Variants in UBE2D3 observed in about 807,000 individuals in gnomAD.
UBE2D3 encodes the protein ubiquitin conjugating enzyme E2 D3.
In UBE2D3, 2 loss-of-function variants were observed where a neutral mutation model predicts 22.8. The ratio of observed to expected loss-of-function variants is 0.09; its 90% CI spans 0.04 to 0.28. The LOEUF is 0.28. Among genes scored for constraint, UBE2D3 ranks in the 10% least tolerant of loss-of-function variants. UBE2D3 has a pLI of 1.00. For missense variants in UBE2D3, 27 were observed against 182.5 expected (o/e 0.15, Z 4.91); for synonymous variants, 56 against 60.4 (o/e 0.93, Z 0.34).
At chr4:102,816,576 T>C (rs1051947688) in intron 2 of UBE2D3, among the ~76,000 whole-genome samples, 2 of 152,182 alleles carry the variant, frequency 1.3e-5, no homozygotes, top group Non-Finnish European at 2.9e-5. Context: ...AGTTAAAAAA[T>C]ATATACAGCA....
chr4:102,838,706 A>AG (rs1349511549), intron 1 of UBE2D3, among the ~76,000 whole-genome samples: 1 of 149,294 alleles, frequency 6.7e-6, no homozygotes, highest in Non-Finnish European at 1.5e-5. Flanking sequence ...CTACTGGATA[A>AG]GGGGGGATAC....
At chr4:102,808,464 G>A (rs1340875159) in intron 4 of UBE2D3, among the ~76,000 whole-genome samples, 4 of 152,134 alleles carry the variant, frequency 2.6e-5, no homozygotes, top group Non-Finnish European at 5.9e-5. Flanking sequence ...GTTTTAAAAT[G>A]ATCCAGGACG....
intron 6 of UBE2D3, among the ~76,000 whole-genome samples, chr4:102,800,213 T>C (rs552211994): frequency 6.6e-5 from 10 of 152,140 alleles, no homozygotes; most frequent in African/African-American, 2.2e-4. Flanking sequence ...ATGCTTGAAA[T>C]GGTTCTGACC....
chr4:102,826,454 A>T (rs1422014048), intron 2 of UBE2D3, 31 bp downstream of exon 2: 1 of 1,610,710 alleles, frequency 6.2e-7, no homozygotes, highest in African/African-American at 1.3e-5. Context: ...CTTTTCTCCT[A>T]CCACCCCATG....
exon 1 of UBE2D3, chr4:102,868,819 G>T: frequency 6.2e-7 from 1 of 1,602,872 alleles, no homozygotes; most frequent in South Asian, 1.1e-5. Context: ...AAAGGCCCAA[G>T]AGGAGGGCCA....
upstream of UBE2D3, chr4:102,828,054 C>T (rs1730863911): frequency 4.1e-6 from 4 of 985,456 alleles, no homozygotes; most frequent in Non-Finnish European, 3.6e-6. Flanking sequence ...GGGGTTCCGC[C>T]TCCAAAATGC....
intron 7 of UBE2D3, among the ~76,000 whole-genome samples, chr4:102,798,462 G>C (rs1725589851): frequency 6.6e-6 from 1 of 151,276 alleles, no homozygotes; most frequent in Non-Finnish European, 1.5e-5. Flanking sequence ...TTAAAACAAA[G>C]GCTTTATTTA....
At chr4:102,798,909 A>G in intron 7 of UBE2D3, 1 of 1,610,918 alleles carries the variant, frequency 6.2e-7, no homozygotes, top group Non-Finnish European at 8.5e-7. Context: ...AGCGCACCAT[A>G]GAGTGCAGAT....
chr4:102,838,343 C>T (rs751415075), intron 1 of UBE2D3, among the ~76,000 whole-genome samples: 10 of 152,160 alleles, frequency 6.6e-5, no homozygotes, highest in Non-Finnish European at 1.2e-4. Context: ...CTCTTCCCAG[C>T]TCTGTGTTCA....
In UBE2D3 at chr4:102,797,320, G is replaced by C; in HGVS notation, c.*95C>G. 9.1e-7 allele frequency: 1 copy of C among 1,099,672 alleles called. No homozygotes were observed. Among genetic ancestry groups the C allele is most frequent in the South Asian group, 1.4e-5 (1 of 69,528 alleles). The allele number at this position is 1,099,672 out of a possible 1,614,324, so 68.1% of individuals were successfully genotyped here. A position where few individuals can be genotyped will look rare whatever the true frequency, so the allele number is the denominator to read the frequency against. ...AATAAAATTAAAAAAGATGAGGTCT[G>C]ATAGGGGAGCAGCCGGATAAGAAAA... On this transcript the variant is annotated 3_prime_UTR_variant, in exon 8 of 8. Transcript: ENST00000453744.
At chr4:102,829,356 TTCTC>T (rs1730981722), upstream of UBE2D3, among the ~76,000 whole-genome samples, 1 of 152,204 alleles carries the variant, frequency 6.6e-6, no homozygotes, top group Admixed American at 6.5e-5. Flanking sequence ...ATAATCTGTG[TTCTC>T]TCTCATAGCT....
intron 2 of UBE2D3, chr4:102,825,351 A>C (rs1428236816): frequency 9.9e-7 from 1 of 1,009,642 alleles, no homozygotes; most frequent in African/African-American, 1.7e-5. Context: ...ACATCACACA[A>C]ATACAAGTCA....
In UBE2D3 at chr4:102,801,615, C is replaced by A. The variant is rs1726163536; in HGVS notation, c.199-56G>T. 1.0e-4 allele frequency: 137 copies of A among 1,356,346 alleles called. No homozygotes were observed. In the Admixed American group the frequency reaches 1.3e-3, roughly 13 times the overall value. The allele number at this position is 1,356,346 out of a possible 1,614,324, so 84.0% of individuals were successfully genotyped here. On this transcript the variant is annotated intron_variant, in intron 5 of 7. Coordinates refer to ENST00000453744, the MANE Select transcript of UBE2D3 (RefSeq NM_181891.3). Reference sequence around the variant, plus strand: ...AAATAAAAACAAACATCTTTTAAAGCAAAACTTAAAATAATCAAGCCACAA... The same window carrying A: ...AAATAAAAACAAACATCTTTTAAAGAAAAACTTAAAATAATCAAGCCACAA...
intron 1 of UBE2D3, chr4:102,868,608 G>T (rs757800407): frequency 4.8e-6 from 7 of 1,447,862 alleles, no homozygotes; most frequent in Non-Finnish European, 6.8e-6. Context: ...GTCTGGGTAG[G>T]GGGAGGATAC....
intron 1 of UBE2D3, among the ~76,000 whole-genome samples, chr4:102,856,591 C>T (rs1054794551): frequency 1.6e-4 from 24 of 152,024 alleles, no homozygotes; most frequent in Non-Finnish European, 8.8e-5. Context: ...TCATAATATT[C>T]GTATATGGAA....
At chr4:102,857,581 T>C (rs555513809) in intron 1 of UBE2D3, among the ~76,000 whole-genome samples, 42 of 152,320 alleles carry the variant, frequency 2.8e-4, no homozygotes, top group African/African-American at 9.9e-4. Flanking sequence ...TTTTTAAAGT[T>C]AACATGACAC....
chr4:102,857,167 T>C (rs1273535389), intron 1 of UBE2D3, among the ~76,000 whole-genome samples: 1 of 152,236 alleles, frequency 6.6e-6, no homozygotes, highest in African/African-American at 2.4e-5. Flanking sequence ...TATGGGAATC[T>C]GTATTTTCTG....
At chr4:102,839,203 G>C (rs1381678154) in intron 1 of UBE2D3, among the ~76,000 whole-genome samples, 2 of 151,736 alleles carry the variant, frequency 1.3e-5, no homozygotes, top group African/African-American at 4.8e-5. Context: ...TACACTTTAG[G>C]GTCTAAATGA....
At chr4:102,820,504 C>T (rs902176802) in intron 2 of UBE2D3, among the ~76,000 whole-genome samples, 21 of 152,088 alleles carry the variant, frequency 1.4e-4, no homozygotes, top group African/African-American at 3.9e-4. Context: ...CCTGTTTAGT[C>T]GTAATTATAG....
Sources: gnomAD v4.1 joint callset for allele counts (sites outside exome capture counted in the v4.1 genomes callset) on GRCh38, gnomAD v4.1.1 for gene constraint, MANE v1.5 for transcripts, NCBI Gene and HGNC (gene_info 2026-07-23, HGNC 2026-07-21) for gene names.